Variants in C12orf42 observed in about 807,000 individuals in gnomAD.
The protein encoded by C12orf42 is uncharacterized protein C12orf42.
Under a neutral mutation model 21.6 loss-of-function variants are expected in C12orf42, and 25 were observed. The ratio of observed to expected loss-of-function variants is 1.16; its 90% CI spans 0.84 to 1.62. The LOEUF (loss-of-function observed/expected upper bound fraction) is 1.62, where lower values mean the gene tolerates loss of function less well. Among genes scored for constraint, C12orf42 ranks in the 40% most tolerant of loss-of-function variants. The pLI is 0.00. For missense variants in C12orf42, 483 were observed against 459.3 expected, an observed-to-expected ratio of 1.05 and a Z score of -0.47; for synonymous variants, 174 against 175.0, an observed-to-expected ratio of 0.99 and a Z score of 0.05.
At chr12:103,306,581 C>T (rs1227814026) in intron 4 of C12orf42, among the ~76,000 whole-genome samples, 4 of 151,968 alleles carry the variant, frequency 2.6e-5, no homozygotes, top group African/African-American at 9.7e-5. Flanking sequence ...TTGAAGGCAC[C>T]GTGTGAGGCC....
intron 2 of C12orf42, among the ~76,000 whole-genome samples, chr12:103,406,879 G>C (rs2048463561): frequency 6.6e-6 from 1 of 152,154 alleles, no homozygotes; most frequent in Non-Finnish European, 1.5e-5. Flanking sequence ...ACAAGTAAAA[G>C]TAATGTTAAC....
chr12:103,276,600 G>T (rs2136286554), intron 5 of C12orf42, among the ~76,000 whole-genome samples: 1 of 152,298 alleles, frequency 6.6e-6, no homozygotes, highest in African/African-American at 2.4e-5. Flanking sequence ...TCTTCCATCT[G>T]GATCCCAAAG....
At chr12:103,161,088 A>G in the C12orf42 span, among the ~76,000 whole-genome samples, 1 of 152,226 alleles carries the variant, frequency 6.6e-6, no homozygotes, top group South Asian at 2.1e-4. Context: ...CTCAGACGCA[A>G]AACGTGTAAT....
In C12orf42 at chr12:103,495,960, G is replaced by A. The variant is rs114750166; in HGVS notation, c.-80C>T. The A allele has an allele frequency of 0.013, 1,921 of 152,438 alleles. 39 individuals carry two copies. Among genetic ancestry groups the A allele is most frequent in the African/African-American group, 0.044 (1,831 of 41,562 alleles). 9.4% of individuals were successfully genotyped at this position (152,438 alleles called of 1,614,324 possible). A position where few individuals can be genotyped will look rare whatever the true frequency, so the allele number is the denominator to read the frequency against. On this transcript the variant is annotated 5_prime_UTR_variant, in exon 1 of 6. Transcript: ENST00000548883. The stretch of plus-strand genomic sequence containing the variant: ...CCCGCAGCCTCCTCCGCGGGAGCTG[G>A]AGCACTCTGCTGGGTCCTGGGGACG...
chr12:103,272,376 A>C (rs138015564), intron 5 of C12orf42, among the ~76,000 whole-genome samples: 64 of 152,224 alleles, frequency 4.2e-4, no homozygotes, highest in African/African-American at 1.4e-3. Context: ...GTGCAAAATT[A>C]TTTACTCCCT....
chr12:103,317,771 C>T (rs1338654969), intron 4 of C12orf42, among the ~76,000 whole-genome samples: 1 of 151,946 alleles, frequency 6.6e-6, no homozygotes, highest in African/African-American at 2.4e-5. Flanking sequence ...ACTATGTTAC[C>T]ACATGAAATT....
chr12:103,537,628 G>A, the C12orf42 span, among the ~76,000 whole-genome samples: 2 of 152,220 alleles, frequency 1.3e-5, no homozygotes, highest in East Asian at 1.9e-4. Flanking sequence ...CATCTTGGAA[G>A]TCAAAGCTAT....
intron 2 of C12orf42, among the ~76,000 whole-genome samples, chr12:103,460,317 C>A (rs1003787412): frequency 6.6e-6 from 1 of 151,916 alleles, no homozygotes; most frequent in Admixed American, 6.6e-5. Context: ...CAAAGGAATT[C>A]CCGGGAAAGA....
At chr12:103,300,640 T>C (rs1190566671), downstream of C12orf42, among the ~76,000 whole-genome samples, 1 of 152,220 alleles carries the variant, frequency 6.6e-6, no homozygotes, top group Non-Finnish European at 1.5e-5. Context: ...CTTAAAGTAA[T>C]GATGTCTTAA....
At chr12:103,284,947 G>A (rs868745914) in intron 4 of C12orf42, among the ~76,000 whole-genome samples, 1 of 152,058 alleles carries the variant, frequency 6.6e-6, no homozygotes, top group African/African-American at 2.4e-5. Flanking sequence ...TGTACCTATT[G>A]TGCCTAACAC....
chr12:103,458,432 T>C lies in C12orf42; in HGVS notation c.78+19917A>G, dbSNP rs1952460055. 2.0e-5 allele frequency among the ~76,000 whole-genome samples: 3 copies of C among 152,264 alleles called. No individual in the cohort carries two copies. In the South Asian group the frequency reaches 6.2e-4, roughly 32 times the overall value. On this transcript the variant is annotated intron_variant, in intron 2 of 5. Transcript: ENST00000548883. ...TGATGAGTTATAGGATAGGCGAAAC[T>C]AGATCAAATAGCAGCTCTGCGCTTA...
chr12:103,385,859 G>C (rs1443325747), intron 3 of C12orf42, among the ~76,000 whole-genome samples: 1 of 152,148 alleles, frequency 6.6e-6, no homozygotes, highest in Non-Finnish European at 1.5e-5. Context: ...TTTGGTGATG[G>C]ATATAAAGAG....
At chr12:103,397,180 T>C (rs1374209826) in intron 3 of C12orf42, among the ~76,000 whole-genome samples, 3 of 152,254 alleles carry the variant, frequency 2.0e-5, no homozygotes, top group Non-Finnish European at 4.4e-5. Flanking sequence ...ATGGTCTGTA[T>C]AGCTTCAATT....
rs1197977399 is a variant in C12orf42, at chr12:103,369,142, C to T, written c.148-144G>A. 2.9e-5 allele frequency: 16 copies of T among 553,594 alleles called. No individual in the cohort carries two copies. In the South Asian group the frequency reaches 3.9e-4, roughly 13 times the overall value. 34.3% of individuals were successfully genotyped at this position (553,594 alleles called of 1,614,324 possible). Reference sequence around the variant, plus strand: ...TTCTTTATTCTTTAAATGAAACAATCCTGAAAACAATCACAGTTAACTCTA... The same window carrying T: ...TTCTTTATTCTTTAAATGAAACAATTCTGAAAACAATCACAGTTAACTCTA... On this transcript the variant is annotated intron_variant, in intron 3 of 5. Coordinates refer to ENST00000548883, the MANE Select transcript of C12orf42 (RefSeq NM_198521.5).
At chr12:103,506,925 T>TATATATAA in the C12orf42 span, among the ~76,000 whole-genome samples, 47 of 14,226 alleles carry the variant, frequency 3.3e-3, 9 homozygotes, top group Admixed American at 6.4e-3. Flanking sequence ...ATTTATATAT[T>TATATATAA]ATATATATAT....
intron 4 of C12orf42, among the ~76,000 whole-genome samples, chr12:103,346,268 A>T (rs778907933): frequency 7.9e-5 from 12 of 152,216 alleles, no homozygotes; most frequent in Non-Finnish European, 1.3e-4. Flanking sequence ...TTACTGCTGT[A>T]ACTAGCAGGT....
intron 10 of C12orf42, among the ~76,000 whole-genome samples, chr12:103,261,842 T>C (rs2136225199): frequency 6.6e-6 from 1 of 152,314 alleles, no homozygotes; most frequent in South Asian, 2.1e-4. Context: ...AGTTGAGGAT[T>C]ACTATTCAAC....
chr12:103,106,473 T>C, the C12orf42 span, among the ~76,000 whole-genome samples: 1 of 152,016 alleles, frequency 6.6e-6, no homozygotes, highest in Non-Finnish European at 1.5e-5. Flanking sequence ...TTGGGTTTGT[T>C]TAAAAAAATA....
chr12:103,202,748 C>T, the C12orf42 span, among the ~76,000 whole-genome samples: 1 of 152,290 alleles, frequency 6.6e-6, no homozygotes, highest in South Asian at 2.1e-4. Flanking sequence ...TAAGTGACTT[C>T]CTTCAACTTA....
Sources: allele counts gnomAD v4.1 joint callset (sites outside exome capture counted in the v4.1 genomes callset), GRCh38; gene constraint gnomAD v4.1.1; transcripts MANE v1.5; gene names NCBI Gene and HGNC (gene_info 2026-07-23, HGNC 2026-07-21).